AFF4: variants seen among roughly 807,000 people sequenced by gnomAD.
The protein encoded by AFF4 is ALF transcription elongation factor 4.
Under a neutral mutation model 124.8 loss-of-function variants are expected in AFF4, and 13 were observed. The observed-to-expected ratio is 0.10, with a 90% CI of 0.07 to 0.17. AFF4 has a LOEUF of 0.17. Ranked by LOEUF, AFF4 falls within the 10% of genes least tolerant of loss-of-function variation. The pLI is 1.00. For missense variants in AFF4, 1,092 were observed against 1,403.8 expected (o/e 0.78, Z 3.55); for synonymous variants, 477 against 496.1 (o/e 0.96, Z 0.51).
At chr5:132,930,649 C>A (rs1271457775) in intron 4 of AFF4, among the ~76,000 whole-genome samples, 98 of 146,796 alleles carry the variant, frequency 6.7e-4, no homozygotes, top group Non-Finnish European at 1.0e-3. Flanking sequence ...CAGGAGCTCA[C>A]AAAAAAAAAT....
rs556919600 is a variant in AFF4 at position 132,947,924 on chromosome 5, GA to G, written c.-4-10732del. On this transcript the variant is annotated intron_variant, in intron 1 of 20. Transcript: ENST00000265343. ...GCCTTCAGGTTTAAAATAATGTAGT[GA>G]AAAACGTGAAAACAAAGATAACAAT... Among the ~76,000 whole-genome samples the G allele has an allele frequency of 7.9e-5, 12 of 152,260 alleles. No homozygotes were observed. The South Asian group carries it at 2.5e-3, about 32-fold the overall frequency.
At chr5:132,892,524 C>T in intron 12 of AFF4, 120 bp from the exon 13 acceptor site, 1 of 1,357,890 alleles carries the variant, frequency 7.4e-7, no homozygotes, top group Non-Finnish European at 1.0e-6. Context: ...ATTACTAGGA[C>T]ACATGATTTC....
chr5:132,899,593 C>T lies in AFF4; in HGVS notation c.1182G>A (p.Gly394=), dbSNP rs776510847. The change falls in exon 8 of 21, where the codon GGG becomes GGA. Residue 394 remains glycine (G), a synonymous_variant. Transcript: ENST00000265343. ...LKLSSSEDSD[G]EQDCDKTMPR... Reference sequence around the variant, plus strand: ...AATACAATAGTAGACACACCTGTTCCCCATCACTGTCTTCACTGCTGCTTA... The same window carrying T: ...AATACAATAGTAGACACACCTGTTCTCCATCACTGTCTTCACTGCTGCTTA... The T allele has an allele frequency of 3.1e-6, 5 of 1,611,652 alleles. No homozygotes were observed. In the East Asian group the frequency reaches 1.1e-4, roughly 36 times the overall value.
rs1284756501 is a variant in AFF4, at chr5:132,908,770, A to ATT, written c.1051-4367_1051-4366insAA. Among the ~76,000 whole-genome samples, 84 of 100,842 alleles carry ATT rather than the reference A, an allele frequency of 8.3e-4. 2 individuals carry two copies. Among genetic ancestry groups the ATT allele is most frequent in the Non-Finnish European group, 1.4e-4 (7 of 50,662 alleles). 66.2% of individuals were successfully genotyped at this position (100,842 alleles called of 152,430 possible). A position where few individuals can be genotyped will look rare whatever the true frequency, so the allele number is the denominator to read the frequency against. ...ACTATATATATACATATATATATAT[A>ATT]TATATATTTTTTTTTTTTGAGACGG... On this transcript the variant is annotated intron_variant, in intron 5 of 20. Coordinates refer to ENST00000265343, the MANE Select transcript of AFF4 (RefSeq NM_014423.4).
chr5:132,893,042 G>A lies in AFF4; in HGVS notation c.2384C>T (p.Ser795Phe). ...EDKNSAGHKPSSNRESSKQSA... is the reference protein window; with the variant it reads ...EDKNSAGHKPFSNRESSKQSA... ...TTTGGGAACGTACTCTCTGTTGCTGGATGGCTTATGGCCTGCTGAATTCTT... is the reference window on the plus strand; with the variant it reads ...TTTGGGAACGTACTCTCTGTTGCTGAATGGCTTATGGCCTGCTGAATTCTT... The change falls in exon 12 of 21, where the codon TCC becomes TTC. Residue 795 changes from serine (S) to phenylalanine (F), a missense_variant. By Grantham distance (155) the Ser-to-Phe change is radical. This residue lies in a region of AFF4 where 293 missense variants were observed against 280.2 expected (regional missense o/e 1.05). Transcript: ENST00000265343. 2 of 1,614,028 alleles carry A rather than the reference G, an allele frequency of 1.2e-6. No homozygotes were observed. Among genetic ancestry groups the A allele is most frequent in the Non-Finnish European group, 1.7e-6 (2 of 1,179,952 alleles).
chr5:132,945,686 AG>A (rs1387295151), intron 1 of AFF4, among the ~76,000 whole-genome samples: 1 of 152,160 alleles, frequency 6.6e-6, no homozygotes, highest in Non-Finnish European at 1.5e-5. Flanking sequence ...TGGGAGGTGG[AG>A]GTTGCAGTGA....
intron 13 of AFF4, 28 bp downstream of exon 13, chr5:132,892,136 C>A: frequency 6.2e-7 from 1 of 1,614,050 alleles, no homozygotes; most frequent in Admixed American, 1.7e-5. Context: ...GAATGATTTT[C>A]AAAAGCCCCA....
At chr5:132,933,357 G>A (rs1011934883) in intron 3 of AFF4, among the ~76,000 whole-genome samples, 7 of 150,196 alleles carry the variant, frequency 4.7e-5, no homozygotes, top group Non-Finnish European at 1.0e-4. Flanking sequence ...AAATCGTGCC[G>A]TTGCACTCTA....
Position 132,878,373 on chromosome 5 carries a change from C to A in AFF4, c.*2686G>T, listed in dbSNP as rs953155744. On this transcript the variant is annotated 3_prime_UTR_variant, in exon 21 of 21. Coordinates refer to ENST00000265343, the MANE Select transcript of AFF4 (RefSeq NM_014423.4). ...TAACTGTTTAAAATAGTTGTTGTTTCTATAATTAACCATATACTAAGTACA... is the reference window on the plus strand; with the variant it reads ...TAACTGTTTAAAATAGTTGTTGTTTATATAATTAACCATATACTAAGTACA... 8.7e-6 allele frequency: 2 copies of A among 230,298 alleles called. No individual in the cohort carries two copies. Among genetic ancestry groups the A allele is most frequent in the Non-Finnish European group, 1.7e-5 (2 of 116,040 alleles). The allele number at this position is 230,298 out of a possible 1,614,324, so 14.3% of individuals were successfully genotyped here.
intron 1 of AFF4, among the ~76,000 whole-genome samples, chr5:132,949,328 T>C (rs1581333572): frequency 6.7e-6 from 1 of 148,536 alleles, no homozygotes; most frequent in Non-Finnish European, 1.5e-5. Flanking sequence ...ACTACAAGCA[T>C]AAGCCATCAT....
chr5:132,930,360 G>A (rs1761270647), intron 4 of AFF4, among the ~76,000 whole-genome samples: 1 of 152,084 alleles, frequency 6.6e-6, no homozygotes. Context: ...AAAGGTGGAA[G>A]GCAAATAAAA....
At position 132,878,152 on chromosome 5, in the gene AFF4, G is replaced by A. The variant is rs897194381; in HGVS notation, c.*2907C>T. 8.8e-5 allele frequency: 20 copies of A among 228,194 alleles called. No individual in the cohort carries two copies. Among genetic ancestry groups the A allele is most frequent in the African/African-American group, 4.4e-4 (20 of 45,042 alleles). The allele number at this position is 228,194 out of a possible 1,614,324, so 14.1% of individuals were successfully genotyped here. A position where few individuals can be genotyped will look rare whatever the true frequency, so the allele number is the denominator to read the frequency against. On this transcript the variant is annotated 3_prime_UTR_variant, in exon 21 of 21. Transcript: ENST00000265343. ...GGGCTGGATGCTCTCTAGCCAGACT[G>A]GAGCCTGGGCTGAGCTGTGGAAACT...
chr5:132,933,169 G>A (rs10900813), intron 3 of AFF4, among the ~76,000 whole-genome samples: 17,543 of 150,540 alleles, frequency 0.12, 1,283 homozygotes, highest in South Asian at 0.2. Context: ...AGGCCGAGGC[G>A]GGCGGATCAC....
At chr5:132,955,364 A>G (rs66685494) in intron 1 of AFF4, among the ~76,000 whole-genome samples, 17,524 of 152,162 alleles carry the variant, frequency 0.12, 1,284 homozygotes, top group South Asian at 0.2. Context: ...CAGGTACCCC[A>G]CCCACTTCTA....
chr5:132,899,823 G>C (rs1252458737), intron 7 of AFF4, among the ~76,000 whole-genome samples, 182 bp from the exon 8 acceptor site: 1 of 152,170 alleles, frequency 6.6e-6, no homozygotes, highest in Admixed American at 6.5e-5. Context: ...ATTGAGAATG[G>C]AGGAATTTAA....
intron 3 of AFF4, among the ~76,000 whole-genome samples, chr5:132,933,377 A>G (rs1761345203): frequency 6.6e-6 from 1 of 151,824 alleles, no homozygotes; most frequent in Non-Finnish European, 1.5e-5. Flanking sequence ...AGCATGGGCA[A>G]CAAGAGCGAA....
intron 5 of AFF4, among the ~76,000 whole-genome samples, chr5:132,907,955 T>C (rs923918683): frequency 6.6e-5 from 10 of 152,156 alleles, no homozygotes; most frequent in African/African-American, 2.4e-4. Context: ...GCTTATTAAG[T>C]AGGAGAGTTA....
At chr5:132,934,063 A>T in intron 3 of AFF4, 84 bp downstream of exon 3, 1 of 1,402,670 alleles carries the variant, frequency 7.1e-7, no homozygotes, top group Non-Finnish European at 9.7e-7. Context: ...GCAAGGAAGC[A>T]GTGTTCAAGT....
At chr5:132,951,219 G>A (rs1284173096) in intron 1 of AFF4, among the ~76,000 whole-genome samples, 1 of 149,618 alleles carries the variant, frequency 6.7e-6, no homozygotes, top group East Asian at 1.9e-4. Flanking sequence ...GCAAGACTCC[G>A]TCTCAAAAAA....
Sources: allele counts gnomAD v4.1 joint callset (sites outside exome capture counted in the v4.1 genomes callset), GRCh38; gene constraint gnomAD v4.1.1; regional missense constraint gnomAD v4.1.1; transcripts MANE v1.5; gene names NCBI Gene and HGNC (gene_info 2026-07-23, HGNC 2026-07-21).